Variants in RANBP2 observed in about 807,000 individuals in gnomAD.
RANBP2 encodes RAN binding protein 2.
In RANBP2, 57 loss-of-function variants were observed where a neutral mutation model predicts 303.6. The ratio of observed to expected loss-of-function variants is 0.19; its 90% CI spans 0.15 to 0.23. The LOEUF is 0.23. Ranked by LOEUF, RANBP2 falls within the 10% of genes least tolerant of loss-of-function variation. The probability of loss-of-function intolerance (pLI) is 1.00; values close to 1 mark genes in which losing one functional copy is unlikely to be tolerated. For missense variants in RANBP2, 3,138 were observed against 3,780.8 expected, an observed-to-expected ratio of 0.83 and a Z score of 4.46; for synonymous variants, 1,167 against 1,301.5, an observed-to-expected ratio of 0.90 and a Z score of 2.23.
chr2:109,112,773 T>C, the RANBP2 span, among the ~76,000 whole-genome samples: 19 of 152,342 alleles, frequency 1.2e-4, no homozygotes, highest in East Asian at 3.7e-3. Context: ...TTAGGTCTAA[T>C]ATTTAAGTCT....
At chr2:109,030,840 G>A in the RANBP2 span, among the ~76,000 whole-genome samples, 2 of 152,000 alleles carry the variant, frequency 1.3e-5, no homozygotes, top group African/African-American at 4.8e-5. Flanking sequence ...CTTCTGCCTC[G>A]GCCTCCAGAG....
chr2:109,678,056 C>T, the RANBP2 span, among the ~76,000 whole-genome samples: 5,113 of 152,288 alleles, frequency 0.034, 260 homozygotes, highest in African/African-American at 0.12. Flanking sequence ...CCGCCTGTTG[C>T]TAGGAGATGA....
intron 21 of RANBP2, 26 bp downstream of exon 21, chr2:108,771,897 C>A (rs1677527956): frequency 1.2e-6 from 2 of 1,613,396 alleles, no homozygotes; most frequent in Admixed American, 1.7e-5. Flanking sequence ...TTTCAAAAAT[C>A]CTCTGTTCCC....
the RANBP2 span, among the ~76,000 whole-genome samples, chr2:109,382,706 G>T: frequency 2.0e-5 from 3 of 152,174 alleles, no homozygotes; most frequent in Admixed American, 6.5e-5. Flanking sequence ...AGGGGAAGAG[G>T]AAGGCTCCAT....
At chr2:109,364,774 C>T in the RANBP2 span, among the ~76,000 whole-genome samples, 2 of 152,142 alleles carry the variant, frequency 1.3e-5, no homozygotes, top group Non-Finnish European at 2.9e-5. Flanking sequence ...TTCCCTTGCC[C>T]CCAGTAGGTA....
At position 108,768,035 on chromosome 2, in the gene RANBP2, G is replaced by C; in HGVS notation, c.7496G>C (p.Ser2499Thr). 6.2e-7 allele frequency: 1 copy of C among 1,612,040 alleles called. No homozygotes were observed. ...ADATSEVEVSSTSETTPKAVV... is the reference protein window; with the variant it reads ...ADATSEVEVSTTSETTPKAVV... Reference sequence around the variant, plus strand: ...GCAACTTCAGAAGTTGAAGTGTCTAGCACATCTGAAACAACACCAAAAGCA... The same window carrying C: ...GCAACTTCAGAAGTTGAAGTGTCTACCACATCTGAAACAACACCAAAAGCA... Residue 2499 changes from serine to threonine, a missense_variant, in exon 20 of 29, where the codon AGC (serine) becomes ACC (threonine). Around this residue, in one of 20 missense-constraint regions of RANBP2, gnomAD observed 497 missense variants for 465.8 expected, o/e 1.07. Transcript: ENST00000283195.
At chr2:108,978,272 C>T in the RANBP2 span, among the ~76,000 whole-genome samples, 117,848 of 152,124 alleles carry the variant, frequency 0.77, 47,184 homozygotes, top group South Asian at 0.87. Flanking sequence ...GGAAGTGTTT[C>T]AAGGGGTTAA....
chr2:109,146,892 C>CT, the RANBP2 span, among the ~76,000 whole-genome samples: 1 of 88,410 alleles, frequency 1.1e-5, no homozygotes, highest in Admixed American at 1.3e-4. Context: ...CCCTCCCCCC[C>CT]CCCCCCCCCG....
chr2:108,907,832 CTCA>C, the RANBP2 span: 1 of 1,613,130 alleles, frequency 6.2e-7, no homozygotes, highest in Non-Finnish European at 8.5e-7. Flanking sequence ...CATCTCACAG[CTCA>C]TCATGGCACC....
intron 9 of RANBP2, among the ~76,000 whole-genome samples, chr2:108,750,806 C>A (rs1675822866): frequency 6.6e-6 from 1 of 152,156 alleles, no homozygotes; most frequent in South Asian, 2.1e-4. Flanking sequence ...CCAGGCTGGT[C>A]TCGAACTCCT....
chr2:109,527,696 G>A, the RANBP2 span, among the ~76,000 whole-genome samples: 5 of 152,252 alleles, frequency 3.3e-5, no homozygotes, highest in African/African-American at 1.2e-4. Flanking sequence ...ATTTCTGTAT[G>A]AATTTTGCAA....
intron 9 of RANBP2, among the ~76,000 whole-genome samples, chr2:108,750,822 C>T (rs535212767): frequency 1.6e-3 from 250 of 152,302 alleles, no homozygotes; most frequent in Admixed American, 5.6e-3. Context: ...CTCCTGACTG[C>T]GCAGAACCTT....
chr2:108,810,556 T>C, the RANBP2 span, among the ~76,000 whole-genome samples: 8 of 152,158 alleles, frequency 5.3e-5, no homozygotes. Flanking sequence ...TTGTTGAATT[T>C]GGTTTGCTAA....
At chr2:109,732,346 T>C in the RANBP2 span, among the ~76,000 whole-genome samples, 1 of 152,306 alleles carries the variant, frequency 6.6e-6, no homozygotes, top group Non-Finnish European at 1.5e-5. Context: ...TGTGAAGCCC[T>C]TGGTCTGTGG....
At chr2:109,596,077 G>C in the RANBP2 span, among the ~76,000 whole-genome samples, 1 of 152,018 alleles carries the variant, frequency 6.6e-6, no homozygotes, top group Non-Finnish European at 1.5e-5. Flanking sequence ...TATTGCTTAA[G>C]CTAGAGTGCA....
the RANBP2 span, among the ~76,000 whole-genome samples, chr2:109,460,558 A>G: frequency 6.6e-6 from 1 of 152,240 alleles, no homozygotes; most frequent in Non-Finnish European, 1.5e-5. Context: ...AAAGAGGCTC[A>G]GTCATTGACT....
At chr2:109,684,548 T>C in the RANBP2 span, among the ~76,000 whole-genome samples, 2 of 147,868 alleles carry the variant, frequency 1.4e-5, no homozygotes. Context: ...CTTTTTTTTT[T>C]TTTGAGATGG....
chr2:109,151,934 T>G, the RANBP2 span, among the ~76,000 whole-genome samples: 2 of 152,270 alleles, frequency 1.3e-5, no homozygotes, highest in Non-Finnish European at 1.5e-5. Context: ...AATAACAGCC[T>G]GGAGGGCTTA....
chr2:109,340,627 C>T, the RANBP2 span, among the ~76,000 whole-genome samples: 1 of 152,300 alleles, frequency 6.6e-6, no homozygotes, highest in Admixed American at 6.5e-5. Context: ...ACCCAGGGTC[C>T]TGGAACATCT....
Sources: gnomAD v4.1 joint callset for allele counts (sites outside exome capture counted in the v4.1 genomes callset) on GRCh38, gnomAD v4.1.1 for gene constraint, gnomAD v4.1.1 regional missense constraint, MANE v1.5 for transcripts, NCBI Gene and HGNC (gene_info 2026-07-23, HGNC 2026-07-21) for gene names.